ANKRD60: variants seen among roughly 807,000 people sequenced by gnomAD.
ANKRD60 encodes the protein ankyrin repeat domain 60, also known as ankyrin repeat domain-containing protein 60.
In ANKRD60, 24 loss-of-function variants were observed where a neutral mutation model predicts 21.3. That is an observed-to-expected ratio of 1.13 (90% confidence interval 0.82 to 1.59). The LOEUF (loss-of-function observed/expected upper bound fraction) is 1.59, where lower values mean the gene tolerates loss of function less well. Ranked by LOEUF, ANKRD60 falls within the 40% of genes most tolerant of loss-of-function variation. The pLI is 0.00. For synonymous variants in ANKRD60, 182 were observed against 199.4 expected (o/e 0.91, Z 0.74); for missense variants, 490 against 466.7 (o/e 1.05, Z -0.46).
At chr20:58,216,776 G>C (rs1252247947), downstream of ANKRD60, among the ~76,000 whole-genome samples, 1 of 152,206 alleles carries the variant, frequency 6.6e-6, no homozygotes, top group Non-Finnish European at 1.5e-5. Context: ...AGTGGGAAAG[G>C]GTGGCCAGGA....
chr20:58,221,606 A>AT, intron 2 of ANKRD60, 103 bp from the exon 3 acceptor site: 1 of 1,291,320 alleles, frequency 7.7e-7, no homozygotes, highest in Non-Finnish European at 1.1e-6. Context: ...TGAATGTCAA[A>AT]TTAAGGCTCA....
intron 1 of ANKRD60, among the ~76,000 whole-genome samples, chr20:58,224,901 G>A (rs1312413692): frequency 2.0e-5 from 3 of 152,178 alleles, no homozygotes; most frequent in East Asian, 1.9e-4. Flanking sequence ...GACAACAGAC[G>A]TGTAAGGGCA....
At chr20:58,223,014 G>T in intron 2 of ANKRD60, 38 bp downstream of exon 2, 9 of 1,518,780 alleles carry the variant, frequency 5.9e-6, no homozygotes, top group Non-Finnish European at 8.0e-6. Context: ...CGGTTGCTTC[G>T]TAACGTATAA....
intron 3 of ANKRD60, among the ~76,000 whole-genome samples, chr20:58,219,022 G>C (rs1202907293): frequency 1.3e-5 from 2 of 152,042 alleles, no homozygotes; most frequent in Non-Finnish European, 2.9e-5. Flanking sequence ...CATCCCACCG[G>C]CTGTGGGGTG....
downstream of ANKRD60, among the ~76,000 whole-genome samples, chr20:58,217,429 A>G (rs1984158145): frequency 6.6e-6 from 1 of 151,402 alleles, no homozygotes; most frequent in African/African-American, 2.4e-5. Flanking sequence ...ACTCTGTCTC[A>G]AAAAAAGAAA....
intron 1 of ANKRD60, among the ~76,000 whole-genome samples, chr20:58,223,392 C>T (rs537821596): frequency 2.6e-5 from 4 of 152,150 alleles, no homozygotes; most frequent in South Asian, 2.1e-4. Context: ...AGATGGAAGC[C>T]GAACAAAATC....
Position 58,228,438 on chromosome 20 carries a change from C to T in ANKRD60, c.216G>A (p.Arg72=). 1 of 1,541,162 alleles carries T rather than the reference C, an allele frequency of 6.5e-7. No homozygotes were observed. Among genetic ancestry groups the T allele is most frequent in the African/African-American group, 1.4e-5 (1 of 73,114 alleles). The change falls in exon 1 of 4, where the codon CGG becomes CGA. Residue 72 remains arginine (R), a synonymous_variant. Coordinates refer to ENST00000457363, the Ensembl canonical transcript of ANKRD60. This position sits in a 1 kb window ranked among gnomAD's most constrained non-coding sequence, Gnocchi z 5.3. The stretch of plus-strand genomic sequence containing the variant: ...TCGGGTCACAGACGAGCCGCTGGCT[C>T]CGGCCGCGGGCACAGGCCAGGGGCT...
downstream of ANKRD60, among the ~76,000 whole-genome samples, chr20:58,217,198 A>AGG (rs559396035): frequency 3.3e-5 from 5 of 152,144 alleles, no homozygotes; most frequent in African/African-American, 1.2e-4. Flanking sequence ...TGGGAGGCCG[A>AGG]GGGGGGCAGA....
At position 58,228,227 on chromosome 20, in the gene ANKRD60, C is replaced by T. The variant is rs1184889871; in HGVS notation, c.427G>A (p.Glu143Lys). ...AAGGAGTCAGGGCAGGAGCCACCTT[C>T]GTCGAGGTACTGGAGCCGCTGGAGG... The change falls in exon 1 of 4, where the codon GAA becomes AAA. Residue 143 changes from glutamate (E) to lysine (K), a missense_variant. Coordinates refer to ENST00000457363, the Ensembl canonical transcript of ANKRD60. The surrounding 1 kb of genome is among the most constrained non-coding windows in gnomAD (Gnocchi z 5.3). 5 of 1,546,692 alleles carry T rather than the reference C, an allele frequency of 3.2e-6. No individual in the cohort carries two copies. Among genetic ancestry groups the T allele is most frequent in the Non-Finnish European group, 3.5e-6 (4 of 1,143,954 alleles).
chr20:58,226,925 CCGGGGGTCCAGAAT>C (rs1250438320), intron 1 of ANKRD60, among the ~76,000 whole-genome samples: 1 of 151,924 alleles, frequency 6.6e-6, no homozygotes, highest in Admixed American at 6.6e-5. Context: ...TAGTTGGAGG[CCGGGGGTCCAGAAT>C]TGGGCAATTG....
At chr20:58,222,310 C>A (rs1464208620) in intron 2 of ANKRD60, among the ~76,000 whole-genome samples, 3 of 152,116 alleles carry the variant, frequency 2.0e-5, no homozygotes, top group South Asian at 4.1e-4. Context: ...ACCCTCCCTG[C>A]CAAGGCTGCC....
intron 3 of ANKRD60, 139 bp downstream of exon 3, chr20:58,221,199 T>G: frequency 1.1e-6 from 1 of 917,884 alleles, no homozygotes. Flanking sequence ...AGTGGCACCA[T>G]GGGGACCCTG....
chr20:58,228,530 G>A lies in ANKRD60; in HGVS notation c.124C>T (p.Arg42Trp). 1.5e-6 allele frequency: 2 copies of A among 1,340,612 alleles called. No homozygotes were observed. The highest frequency in any genetic ancestry group is 1.9e-6 in the Non-Finnish European group (2 of 1,050,752). The allele number at this position is 1,340,612 out of a possible 1,614,324, so 83.0% of individuals were successfully genotyped here. Residue 42 changes from arginine to tryptophan, a missense_variant, in exon 1 of 4, where the codon CGG becomes TGG. By Grantham distance (101) the Arg-to-Trp change is moderately radical. Transcript: ENST00000457363. The surrounding 1 kb of genome is among the most constrained non-coding windows in gnomAD (Gnocchi z 5.3). ...CCGCCGCACCCCTGAGCCCCGGCCCGCGCACCGCTCCTGCGTCCCGCATTG... is the reference window on the plus strand; with the variant it reads ...CCGCCGCACCCCTGAGCCCCGGCCCACGCACCGCTCCTGCGTCCCGCATTG...
rs41275660 is a variant in ANKRD60, at chr20:58,221,330, A to C, written c.727+8T>G. 38,801 of 1,546,782 alleles carry C rather than the reference A, an allele frequency of 0.025. 595 individuals carry two copies. The highest frequency in any genetic ancestry group is 0.029 in the Non-Finnish European group (32,643 of 1,144,638). On this transcript the variant is annotated splice_region_variant and intron_variant, in intron 3 of 3. Transcript: ENST00000457363. ...TCATGAATATAGCAAGCTTTCTACC[A>C]GAATTACCGTGTTCTAGAAGGTACT... is the stretch of plus-strand genomic sequence containing the variant.
intron 1 of ANKRD60, among the ~76,000 whole-genome samples, chr20:58,227,082 T>C (rs973628374): frequency 6.6e-6 from 1 of 152,168 alleles, no homozygotes; most frequent in Non-Finnish European, 1.5e-5. Flanking sequence ...CAGGCAGCGT[T>C]TGTTTCGGAT....
In ANKRD60 at chr20:58,228,624, C is replaced by CCGT. The variant is rs1290132695; in HGVS notation, c.29_30insACG (p.Arg11dup). On this transcript the variant is annotated inframe_insertion, in exon 1 of 4. Transcript: ENST00000457363. The surrounding 1 kb of genome is among the most constrained non-coding windows in gnomAD (Gnocchi z 5.3). The stretch of plus-strand genomic sequence containing the variant: ...CTCCGCCCGCCCCCGCCGCCGCCCG[C>CCGT]CGCATCCCCCAGGCGCGGCCGCGCG... 28 of 1,023,532 alleles carry CCGT rather than the reference C, an allele frequency of 2.7e-5. No homozygotes were observed. 63.4% of individuals were successfully genotyped at this position (1,023,532 alleles called of 1,614,324 possible). A position where few individuals can be genotyped will look rare whatever the true frequency, so the allele number is the denominator to read the frequency against.
rs1984414453 is a variant in ANKRD60 at position 58,228,439 on chromosome 20, CGGCCGCGGGCACA to C, written c.202_214del (p.Cys68GlyfsTer45). 6.5e-7 allele frequency: 1 copy of C among 1,540,664 alleles called. No homozygotes were observed. On this transcript the variant is annotated frameshift_variant, in exon 1 of 4. Transcript: ENST00000457363. LOFTEE classifies it high-confidence loss of function. This position sits in a 1 kb window ranked among gnomAD's most constrained non-coding sequence, Gnocchi z 5.3. ...CGGGTCACAGACGAGCCGCTGGCTC[CGGCCGCGGGCACA>C]GGCCAGGGGCTGCGCGGGGAGGGCC...
exon 2 of ANKRD60, chr20:58,223,081 A>G (rs1388910155): frequency 5.8e-6 from 9 of 1,551,500 alleles, no homozygotes; most frequent in Non-Finnish European, 7.8e-6. Flanking sequence ...ACAGCCGCCA[A>G]AACAAGTTCT....
rs6026136 is a variant in ANKRD60 at position 58,225,583 on chromosome 20, G to A, written c.431-2401C>T. Among the ~76,000 whole-genome samples, 340 of 152,220 alleles carry A rather than the reference G, an allele frequency of 2.2e-3. 1 individual carries two copies. The highest frequency in any genetic ancestry group is 7.8e-3 in the African/African-American group (326 of 41,560). ...TCTGTCCAGAGGGGGAAACGGCTCCGAGAATTCCAGAGCTGGTTTCTCTGT... is the reference window on the plus strand; with the variant it reads ...TCTGTCCAGAGGGGGAAACGGCTCCAAGAATTCCAGAGCTGGTTTCTCTGT... On this transcript the variant is annotated intron_variant, in intron 1 of 3. Coordinates refer to ENST00000457363, the Ensembl canonical transcript of ANKRD60.
Sources: gnomAD v4.1 joint callset for allele counts (sites outside exome capture counted in the v4.1 genomes callset) on GRCh38, gnomAD v4.1.1 for gene constraint, Gnocchi (gnomAD v3.1) non-coding constraint, MANE v1.5 for transcripts, NCBI Gene and HGNC (gene_info 2026-07-23, HGNC 2026-07-21) for gene names.